CRHR1: variants seen among roughly 807,000 people sequenced by gnomAD.
CRHR1 encodes the protein corticotropin-releasing hormone receptor 1.
Under a neutral mutation model 56.0 loss-of-function variants are expected in CRHR1, and 28 were observed. The observed-to-expected ratio is 0.50, with a 90% CI of 0.37 to 0.69. CRHR1 has a LOEUF of 0.69. Among genes scored for constraint, CRHR1 ranks in the 30% least tolerant of loss-of-function variants. CRHR1 has a pLI of 0.00. For missense variants in CRHR1, 376 were observed against 548.0 expected (o/e 0.69, Z 3.13); for synonymous variants, 195 against 216.5 (o/e 0.90, Z 0.87).
intron 2 of CRHR1, among the ~76,000 whole-genome samples, chr17:45,812,300 A>T (rs1340551356): frequency 6.6e-6 from 1 of 152,226 alleles, no homozygotes; most frequent in Non-Finnish European, 1.5e-5. Context: ...GAGCAAAGTC[A>T]CTATTCCTTA....
intron 3 of CRHR1, among the ~76,000 whole-genome samples, chr17:45,817,215 GCTCC>G (rs2061947554): frequency 6.6e-6 from 1 of 152,192 alleles, no homozygotes; most frequent in Non-Finnish European, 1.5e-5. Context: ...GGGCTTTGCA[GCTCC>G]CTGCTATTCC....
intron 3 of CRHR1, among the ~76,000 whole-genome samples, chr17:45,817,853 T>A (rs2061960337): frequency 6.6e-6 from 1 of 152,214 alleles, no homozygotes; most frequent in Non-Finnish European, 1.5e-5. Context: ...AAGAAGGGCC[T>A]CTTGGCCAGG....
chr17:45,793,012 C>T (rs2146265696), intron 1 of CRHR1, among the ~76,000 whole-genome samples: 1 of 152,358 alleles, frequency 6.6e-6, no homozygotes, highest in East Asian at 1.9e-4. Context: ...AGATGCTGAA[C>T]TAAATGGAGG....
In CRHR1 at chr17:45,834,812, G is replaced by A; in HGVS notation, c.*48G>A. 2 of 1,610,020 alleles carry A rather than the reference G, an allele frequency of 1.2e-6. No individual in the cohort carries two copies. Among genetic ancestry groups the A allele is most frequent in the East Asian group, 4.5e-5 (2 of 44,810 alleles). ...CCCAAAGAGCTGTGGCTGGGGGGAT[G>A]ACGGCCAGGCTCCCTGACCACCCTG... On this transcript the variant is annotated 3_prime_UTR_variant, in exon 13 of 13. Coordinates refer to ENST00000314537, the MANE Select transcript of CRHR1 (RefSeq NM_004382.5).
intron 5 of CRHR1, chr17:45,829,549 A>G (rs1405634559): frequency 6.5e-7 from 1 of 1,546,196 alleles, no homozygotes; most frequent in Non-Finnish European, 8.7e-7. Context: ...GTCTTATGTC[A>G]CCCATACCCA....
chr17:45,795,538 A>G (rs2061502029), intron 1 of CRHR1, among the ~76,000 whole-genome samples: 1 of 152,210 alleles, frequency 6.6e-6, no homozygotes, highest in South Asian at 2.1e-4. Context: ...GATTATAGCA[A>G]CCAAGAATAT....
chr17:45,830,437 A>T lies in CRHR1; in HGVS notation c.576A>T (p.Thr192=), dbSNP rs373012421. ...QSNVGWCRLV[T]AAYNYFHVTN... ...GGCAGGGCTGGTGCAGGTTGGTGAC[A>T]GCCGCCTACAACTACTTCCATGTGA... Residue 192 remains threonine (T), a synonymous_variant, in exon 7 of 13, where the codon ACA becomes ACT. Transcript: ENST00000314537. The T allele has an allele frequency of 2.2e-4, 358 of 1,611,858 alleles. No individual in the cohort carries two copies. Among genetic ancestry groups the T allele is most frequent in the Non-Finnish European group, 2.7e-4 (322 of 1,179,092 alleles).
intron 2 of CRHR1, among the ~76,000 whole-genome samples, chr17:45,813,033 G>A (rs529587883): frequency 2.2e-4 from 33 of 152,270 alleles, no homozygotes; most frequent in African/African-American, 7.7e-4. Flanking sequence ...CTCGGTGTCC[G>A]CAGGACGCAG....
rs184960303 is a variant in CRHR1, at chr17:45,797,361, G to C, written c.34-9649G>C. On this transcript the variant is annotated intron_variant, in intron 1 of 12. Transcript: ENST00000314537. Reference sequence around the variant, plus strand: ...GCTGGAGTGCAGTGGCACGATCTCGGCTCACTGCAAGCTCCGCCTCCCGGG... The same window carrying C: ...GCTGGAGTGCAGTGGCACGATCTCGCCTCACTGCAAGCTCCGCCTCCCGGG... Among the ~76,000 whole-genome samples, 15 of 145,944 alleles carry C rather than the reference G, an allele frequency of 1.0e-4. No individual in the cohort carries two copies. In the East Asian group the frequency reaches 3.0e-3, roughly 29 times the overall value.
In CRHR1 at chr17:45,784,502, G is replaced by T; in HGVS notation, c.-43G>T. 2 of 1,524,752 alleles carry T rather than the reference G, an allele frequency of 1.3e-6. No homozygotes were observed. Among genetic ancestry groups the T allele is most frequent in the Non-Finnish European group, 1.8e-6 (2 of 1,134,632 alleles). The allele number at this position is 1,524,752 out of a possible 1,614,324, so 94.5% of individuals were successfully genotyped here. On this transcript the variant is annotated 5_prime_UTR_variant, in exon 1 of 13. Transcript: ENST00000314537. The surrounding 1 kb of genome is among the most constrained non-coding windows in gnomAD (Gnocchi z 4.2). ...GCCCGCCGGTCCCTCTGGGATGTCC[G>T]TAGGACCCGGGCATTCAGGACGGTA...
chr17:45,832,196 C>T (rs1399084422), intron 8 of CRHR1, among the ~76,000 whole-genome samples: 6 of 152,222 alleles, frequency 3.9e-5, no homozygotes, highest in African/African-American at 1.4e-4. Context: ...CGTGCCACTG[C>T]ACTCCAGCCT....
At chr17:45,816,999 C>G (rs1193925899) in intron 3 of CRHR1, among the ~76,000 whole-genome samples, 1 of 152,200 alleles carries the variant, frequency 6.6e-6, no homozygotes, top group East Asian at 1.9e-4. Context: ...TGGATAAGAA[C>G]CTTGAGTCGA....
At chr17:45,832,073 A>G (rs2062324798) in intron 8 of CRHR1, among the ~76,000 whole-genome samples, 1 of 152,026 alleles carries the variant, frequency 6.6e-6, no homozygotes, top group African/African-American at 2.4e-5. Context: ...AAAAAACAAA[A>G]AAACAAAAAT....
In CRHR1 at chr17:45,830,466, A is replaced by G. The variant is rs1568070240; in HGVS notation, c.605A>G (p.Asn202Ser). Residue 202 changes from asparagine (N) to serine (S), a missense_variant, in exon 7 of 13, where the codon AAC (asparagine) becomes AGC (serine). Coordinates refer to ENST00000314537, the MANE Select transcript of CRHR1 (RefSeq NM_004382.5). Reference sequence around the variant, plus strand: ...GCCTACAACTACTTCCATGTGACCAACTTCTTCTGGATGTTCGGCGAGGGC... The same window carrying G: ...GCCTACAACTACTTCCATGTGACCAGCTTCTTCTGGATGTTCGGCGAGGGC... The part of the protein sequence containing the change: ...TAAYNYFHVT[N>S]FFWMFGEGCY... The G allele has an allele frequency of 1.9e-6, 3 of 1,613,500 alleles. No homozygotes were observed. Among genetic ancestry groups the G allele is most frequent in the East Asian group, 2.2e-5 (1 of 44,864 alleles).
intron 3 of CRHR1, among the ~76,000 whole-genome samples, 192 bp downstream of exon 3, chr17:45,816,774 C>T (rs1173747445): frequency 1.3e-5 from 2 of 152,230 alleles, no homozygotes; most frequent in Non-Finnish European, 2.9e-5. Flanking sequence ...TCTCACAATA[C>T]CCTTGCAAGA....
At position 45,785,648 on chromosome 17, in the gene CRHR1, G is replaced by T. The variant is rs188489483; in HGVS notation, c.33+1071G>T. 3.0e-3 allele frequency among the ~76,000 whole-genome samples: 457 copies of T among 152,338 alleles called. 5 individuals carry two copies. Among genetic ancestry groups the T allele is most frequent in the African/African-American group, 0.01 (429 of 41,578 alleles). On this transcript the variant is annotated intron_variant, in intron 1 of 12. Coordinates refer to ENST00000314537, the MANE Select transcript of CRHR1 (RefSeq NM_004382.5). Reference sequence around the variant, plus strand: ...TCAAGAGACTTCGGTGGATTTGGGGGAGGGGTGCGGATTGGCGGAATTTCA... The same window carrying T: ...TCAAGAGACTTCGGTGGATTTGGGGTAGGGGTGCGGATTGGCGGAATTTCA...
rs115045401 is a variant in CRHR1 at position 45,828,400 on chromosome 17, C to A, written c.328-815C>A. ...AAGCCCAGATGCCTTTCCGGCTCCCCCCACGGGGTTGCCCTGATGGTTTAA... is the reference window on the plus strand; with the variant it reads ...AAGCCCAGATGCCTTTCCGGCTCCCACCACGGGGTTGCCCTGATGGTTTAA... On this transcript the variant is annotated intron_variant, in intron 4 of 12. Transcript: ENST00000314537. Among the ~76,000 whole-genome samples, 1,070 of 152,334 alleles carry A rather than the reference C, an allele frequency of 7.0e-3. 16 individuals carry two copies. Among genetic ancestry groups the A allele is most frequent in the African/African-American group, 0.024 (994 of 41,578 alleles).
intron 1 of CRHR1, among the ~76,000 whole-genome samples, chr17:45,793,945 C>T (rs1048266091): frequency 1.3e-5 from 2 of 152,178 alleles, no homozygotes; most frequent in African/African-American, 4.8e-5. Flanking sequence ...GCCAGTGAGA[C>T]CTGCTGTTTT....
At chr17:45,834,151 C>A in intron 12 of CRHR1, 103 bp downstream of exon 12, 1 of 1,411,092 alleles carries the variant, frequency 7.1e-7, no homozygotes, top group South Asian at 1.2e-5. Flanking sequence ...TGCCTCTCTC[C>A]CTCCCTGCTC....
Sources: allele counts gnomAD v4.1 joint callset (sites outside exome capture counted in the v4.1 genomes callset), GRCh38; gene constraint gnomAD v4.1.1; non-coding constraint Gnocchi (gnomAD v3.1); transcripts MANE v1.5; gene names NCBI Gene and HGNC (gene_info 2026-07-23, HGNC 2026-07-21).